ATL1: variants seen among roughly 807,000 people sequenced by gnomAD.
ATL1 encodes atlastin GTPase 1, also known as atlastin-1.
Under a neutral mutation model 75.5 loss-of-function variants are expected in ATL1, and 31 were observed. The observed-to-expected ratio is 0.41, with a 90% CI of 0.31 to 0.55. The LOEUF is 0.55. ATL1 is among the 20% of genes least tolerant of loss of function. The pLI, the probability that ATL1 is intolerant of heterozygous loss-of-function variation, is 0.27. For synonymous variants in ATL1, 226 were observed against 233.3 expected (o/e 0.97, Z 0.28); for missense variants, 405 against 662.6 (o/e 0.61, Z 4.27).
In ATL1 at chr14:50,560,305, T is replaced by G. The variant is rs766408400; in HGVS notation, c.34+6T>G. 1.9e-6 allele frequency: 3 copies of G among 1,613,610 alleles called. No homozygotes were observed. The Admixed American group carries it at 5.0e-5, about 27-fold the overall frequency. On this transcript the variant is annotated splice_donor_region_variant and intron_variant, in intron 1 of 13. Coordinates refer to ENST00000358385, the MANE Select transcript of ATL1 (RefSeq NM_015915.5). ...CAGGGACAGAAACAGTTGGGGTGAG[T>G]AGCAAATGAGAACTTCTGCAGCCTG... is the stretch of plus-strand genomic sequence containing the variant.
chr14:50,594,831 C>A (rs754289817), intron 5 of ATL1, among the ~76,000 whole-genome samples: 1 of 151,886 alleles, frequency 6.6e-6, no homozygotes, highest in African/African-American at 2.4e-5. Flanking sequence ...CCTATCTCTA[C>A]CAAAAATACA....
chr14:50,583,711 AG>A (rs1038795376), intron 1 of ATL1, among the ~76,000 whole-genome samples: 2 of 152,246 alleles, frequency 1.3e-5, no homozygotes, highest in African/African-American at 4.8e-5. Flanking sequence ...TTATATGGAA[AG>A]GGTTAAAATA....
intron 4 of ATL1, among the ~76,000 whole-genome samples, chr14:50,592,458 A>G (rs1036309966): frequency 1.3e-5 from 2 of 152,124 alleles, no homozygotes; most frequent in African/African-American, 2.4e-5. Flanking sequence ...GGCGTCATAT[A>G]TGATTAGGAC....
In ATL1 at chr14:50,629,529, C is replaced by T. The variant is rs377720633; in HGVS notation, c.1552-466C>T. Among the ~76,000 whole-genome samples, 169 of 147,858 alleles carry T rather than the reference C, an allele frequency of 1.1e-3. 3 individuals carry two copies. The South Asian group carries it at 0.034, about 29-fold the overall frequency. ...CCAGAAGGCGGAGGTTGCACTGAGC[C>T]GAGATGGCACCACAGCACTCCAGCC... is the stretch of plus-strand genomic sequence containing the variant. On this transcript the variant is annotated intron_variant, in intron 12 of 13. Coordinates refer to ENST00000358385, the MANE Select transcript of ATL1 (RefSeq NM_015915.5).
chr14:50,544,378 G>A (rs546102945), intron 1 of ATL1, among the ~76,000 whole-genome samples: 1 of 152,298 alleles, frequency 6.6e-6, no homozygotes, highest in South Asian at 2.1e-4. Context: ...GGGAGACTGA[G>A]ACACTCCCCC....
chr14:50,608,222 G>A (rs1303023611), intron 6 of ATL1, among the ~76,000 whole-genome samples: 2 of 151,924 alleles, frequency 1.3e-5, no homozygotes, highest in Non-Finnish European at 2.9e-5. Flanking sequence ...TCAAGATTCT[G>A]CAGTGTAGAA....
intron 1 of ATL1, among the ~76,000 whole-genome samples, chr14:50,546,336 T>C (rs1029196040): frequency 1.3e-5 from 2 of 152,118 alleles, no homozygotes; most frequent in African/African-American, 4.8e-5. Context: ...TACTATCTCA[T>C]GGCTAGAGTT....
At chr14:50,614,641 G>C (rs1238191780) in intron 8 of ATL1, 130 bp downstream of exon 8, 4 of 1,053,198 alleles carry the variant, frequency 3.8e-6, no homozygotes, top group Non-Finnish European at 5.7e-6. Flanking sequence ...AAATTGTCAG[G>C]AGAATAGGGC....
chr14:50,616,458 AT>A (rs1359477836), intron 8 of ATL1, among the ~76,000 whole-genome samples: 2 of 5,380 alleles, frequency 3.7e-4, no homozygotes, highest in Non-Finnish European at 5.8e-4. Flanking sequence ...ATGCCCGGTT[AT>A]TTATTTATTT....
At chr14:50,629,872 T>G in intron 12 of ATL1, 123 bp from the exon 13 acceptor site, 1 of 546,978 alleles carries the variant, frequency 1.8e-6, no homozygotes, top group Non-Finnish European at 2.9e-6. Flanking sequence ...AACTGAAAAA[T>G]CTGCAGGAGT....
At chr14:50,608,316 G>T (rs1200806759) in intron 6 of ATL1, among the ~76,000 whole-genome samples, 2 of 151,956 alleles carry the variant, frequency 1.3e-5, no homozygotes, top group Non-Finnish European at 2.9e-5. Flanking sequence ...ATCTAGGGAG[G>T]GGTGGGGGAC....
chr14:50,593,381 T>C (rs1225680885), intron 4 of ATL1, among the ~76,000 whole-genome samples: 1 of 152,178 alleles, frequency 6.6e-6, no homozygotes, highest in Non-Finnish European at 1.5e-5. Flanking sequence ...TTATCACATA[T>C]ATATATAAGG....
chr14:50,627,893 G>A (rs2039536530), intron 11 of ATL1, 138 bp from the exon 12 acceptor site: 2 of 781,784 alleles, frequency 2.6e-6, no homozygotes, highest in Admixed American at 4.2e-5. Flanking sequence ...GTGGAAAGAT[G>A]TGGGCTGACA....
chr14:50,583,392 G>C (rs2039074584), intron 1 of ATL1, among the ~76,000 whole-genome samples: 4 of 152,148 alleles, frequency 2.6e-5, no homozygotes, highest in African/African-American at 9.7e-5. Context: ...TGAGACCAAT[G>C]CATTAAAGCT....
intron 1 of ATL1, among the ~76,000 whole-genome samples, chr14:50,534,702 C>T (rs1354301133): frequency 6.6e-6 from 1 of 152,198 alleles, no homozygotes; most frequent in African/African-American, 2.4e-5. Flanking sequence ...AGTCGAGACT[C>T]TATGTGTCTG....
upstream of ATL1, among the ~76,000 whole-genome samples, chr14:50,555,430 C>T (rs1218730358): frequency 5.9e-5 from 9 of 152,138 alleles, no homozygotes; most frequent in African/African-American, 1.7e-4. Context: ...TACAGGTGCA[C>T]GCCACCCGTC....
intron 6 of ATL1, among the ~76,000 whole-genome samples, chr14:50,600,756 C>G (rs180849292): frequency 6.6e-6 from 1 of 151,608 alleles, no homozygotes; most frequent in South Asian, 2.1e-4. Context: ...TTAAACATTG[C>G]CTGAGAAAGT....
chr14:50,595,874 C>A (rs1417346267), intron 6 of ATL1, among the ~76,000 whole-genome samples: 3 of 140,676 alleles, frequency 2.1e-5, no homozygotes, highest in Admixed American at 6.9e-5. Context: ...TGGTTCCAGG[C>A]AAAATGTCAG....
At chr14:50,629,151 G>A (rs1351827083) in intron 12 of ATL1, among the ~76,000 whole-genome samples, 1 of 152,118 alleles carries the variant, frequency 6.6e-6, no homozygotes, top group Non-Finnish European at 1.5e-5. Context: ...TTTGTTAGGA[G>A]CTATCTGAAC....
Sources: gnomAD v4.1 joint callset for allele counts (sites outside exome capture counted in the v4.1 genomes callset) on GRCh38, gnomAD v4.1.1 for gene constraint, MANE v1.5 for transcripts, NCBI Gene and HGNC (gene_info 2026-07-23, HGNC 2026-07-21) for gene names.